Variants in PIAS1 observed in about 807,000 individuals in gnomAD.
The protein encoded by PIAS1 is protein inhibitor of activated STAT 1.
A neutral mutation model predicts 71.3 loss-of-function variants in PIAS1; 6 were observed. The ratio of observed to expected loss-of-function variants is 0.08; its 90% confidence interval spans 0.05 to 0.17. PIAS1 has a LOEUF of 0.17. Among genes scored for constraint, PIAS1 ranks in the 10% least tolerant of loss-of-function variants. PIAS1 has a pLI of 1.00. For missense variants in PIAS1, 555 were observed against 793.6 expected (o/e 0.70, Z 3.61); for synonymous variants, 303 against 292.9 (o/e 1.03, Z -0.35).
In PIAS1 at chr15:68,054,899, G is replaced by C. The variant is rs1423431574; in HGVS notation, c.24+549G>C. 6.6e-6 allele frequency: 1 copy of C among 152,342 alleles called. No homozygotes were observed. The highest frequency in any genetic ancestry group is 1.9e-4 in the East Asian group (1 of 5,192). The allele number at this position is 152,342 out of a possible 1,614,324, so 9.4% of individuals were successfully genotyped here. Reference sequence around the variant, plus strand: ...CTCGGCTTTCCCCGGCTGCTCGCTTGTCAGGAAGCGCCTGGGGTGCCCCGC... The same window carrying C: ...CTCGGCTTTCCCCGGCTGCTCGCTTCTCAGGAAGCGCCTGGGGTGCCCCGC... On this transcript the variant is annotated intron_variant, in intron 1 of 13. Transcript: ENST00000249636. This position sits in a 1 kb window ranked among gnomAD's most constrained non-coding sequence, Gnocchi z 4.6.
At chr15:68,158,236 C>T (rs376647558) in intron 7 of PIAS1, among the ~76,000 whole-genome samples, 2 of 151,964 alleles carry the variant, frequency 1.3e-5, no homozygotes, top group Non-Finnish European at 2.9e-5. Flanking sequence ...CTTTCCATGA[C>T]GTGGCACCTG....
intron 1 of PIAS1, among the ~76,000 whole-genome samples, chr15:68,068,421 T>C (rs2140961874): frequency 6.6e-6 from 1 of 152,132 alleles, no homozygotes; most frequent in East Asian, 1.9e-4. Flanking sequence ...AAGAAGGGAC[T>C]TAAGTTAATT....
chr15:68,081,601 A>G (rs894079359), intron 1 of PIAS1, among the ~76,000 whole-genome samples: 1 of 152,172 alleles, frequency 6.6e-6, no homozygotes, highest in Admixed American at 6.5e-5. Context: ...GAAAAGAGAA[A>G]TGCAGAAAAT....
chr15:68,137,169 G>A (rs568962109), intron 2 of PIAS1, among the ~76,000 whole-genome samples: 106 of 152,216 alleles, frequency 7.0e-4, no homozygotes, highest in African/African-American at 2.5e-3. Flanking sequence ...TCTCACACCT[G>A]GGAATTGATC....
At chr15:68,114,188 C>G (rs1567047647) in intron 2 of PIAS1, among the ~76,000 whole-genome samples, 1 of 151,852 alleles carries the variant, frequency 6.6e-6, no homozygotes, top group Admixed American at 6.6e-5. Flanking sequence ...TTTTTGCTGC[C>G]TTTTTCAATC....
At chr15:68,092,713 C>G (rs1367981063) in intron 2 of PIAS1, among the ~76,000 whole-genome samples, 1 of 151,960 alleles carries the variant, frequency 6.6e-6, no homozygotes, top group South Asian at 2.1e-4. Flanking sequence ...GCTTGTTTGC[C>G]CCCTTTCATT....
At position 68,060,441 on chromosome 15, in the gene PIAS1, TA is replaced by T. The variant is rs371478573; in HGVS notation, c.24+6092del. Among the ~76,000 whole-genome samples, 930 of 151,846 alleles carry T rather than the reference TA, an allele frequency of 6.1e-3. 6 individuals are homozygous for T. Among genetic ancestry groups the T allele is most frequent in the East Asian group, 0.032 (165 of 5,136 alleles). ...CAGCCTGACCAACATGGTGAAACCC[TA>T]TCTCTACTAAAAATACAAAAATTAG... On this transcript the variant is annotated intron_variant, in intron 1 of 13. Transcript: ENST00000249636.
At chr15:68,120,632 A>G (rs1404790109) in intron 2 of PIAS1, among the ~76,000 whole-genome samples, 2 of 152,074 alleles carry the variant, frequency 1.3e-5, no homozygotes, top group Non-Finnish European at 2.9e-5. Context: ...TATTCTTGTC[A>G]TACATTTTAC....
intron 1 of PIAS1, among the ~76,000 whole-genome samples, chr15:68,061,600 T>C (rs912001690): frequency 4.6e-5 from 7 of 152,228 alleles, no homozygotes; most frequent in Middle Eastern, 3.2e-3. Context: ...GTAACTCTCA[T>C]AGGACTGTTG....
chr15:68,130,135 C>A (rs572650528), intron 2 of PIAS1, among the ~76,000 whole-genome samples: 1 of 151,540 alleles, frequency 6.6e-6, no homozygotes, highest in South Asian at 2.1e-4. Context: ...TCATATACCC[C>A]ATAAATATAT....
At chr15:68,157,765 C>T (rs186076770) in intron 7 of PIAS1, among the ~76,000 whole-genome samples, 1 of 152,060 alleles carries the variant, frequency 6.6e-6, no homozygotes, top group Non-Finnish European at 1.5e-5. Flanking sequence ...TAACACCCAC[C>T]CCAAAATACA....
chr15:68,155,133 G>A (rs533861533), intron 7 of PIAS1, among the ~76,000 whole-genome samples: 3 of 152,202 alleles, frequency 2.0e-5, no homozygotes, highest in South Asian at 2.1e-4. Flanking sequence ...ACTCTTCTCC[G>A]CTTGTAGCTA....
chr15:68,161,921 T>G (rs2092926950), intron 7 of PIAS1, among the ~76,000 whole-genome samples: 1 of 151,164 alleles, frequency 6.6e-6, no homozygotes, highest in Admixed American at 6.6e-5. Context: ...AGAGTGAGAC[T>G]CTGTCTCAAA....
At chr15:68,179,561 G>GTTCTTTTTTTT (rs1465767081) in intron 11 of PIAS1, among the ~76,000 whole-genome samples, 1 of 30,190 alleles carries the variant, frequency 3.3e-5, no homozygotes, top group Non-Finnish European at 9.8e-5. Flanking sequence ...CTCGTGAAAT[G>GTTCTTTTTTTT]TTCTTTTTTT....
intron 2 of PIAS1, among the ~76,000 whole-genome samples, chr15:68,090,927 G>GGTGGGTGTGTGTGTGT (rs1555425135): frequency 1.4e-5 from 2 of 142,856 alleles, no homozygotes; most frequent in African/African-American, 5.2e-5. Flanking sequence ...GTCATTTACG[G>GGTGGGTGTGTGTGTGT]GTGTGTGTGT....
chr15:68,068,014 C>T (rs914596473), intron 1 of PIAS1, among the ~76,000 whole-genome samples: 1 of 152,122 alleles, frequency 6.6e-6, no homozygotes, highest in Non-Finnish European at 1.5e-5. Flanking sequence ...TCCAAATTTA[C>T]TGTAGCATTC....
At chr15:68,183,354 C>G (rs544232588) in intron 12 of PIAS1, among the ~76,000 whole-genome samples, 2 of 152,196 alleles carry the variant, frequency 1.3e-5, no homozygotes, top group African/African-American at 4.8e-5. Context: ...AGTACTATGC[C>G]CGTTTAAGGA....
intron 6 of PIAS1, among the ~76,000 whole-genome samples, chr15:68,152,244 C>T (rs921208678): frequency 3.9e-5 from 6 of 151,996 alleles, no homozygotes; most frequent in Admixed American, 1.3e-4. Context: ...CCCCTGCTCC[C>T]GGCTGGGAAA....
At chr15:68,156,709 TAAAAAAA>T (rs35479013) in intron 7 of PIAS1, among the ~76,000 whole-genome samples, 2 of 119,076 alleles carry the variant, frequency 1.7e-5, no homozygotes, top group African/African-American at 3.4e-5. Flanking sequence ...ACACTGTCTT[TAAAAAAA>T]AAAAAAAAAA....
Sources: gnomAD v4.1 joint callset for allele counts (sites outside exome capture counted in the v4.1 genomes callset) on GRCh38, gnomAD v4.1.1 for gene constraint, Gnocchi (gnomAD v3.1) non-coding constraint, MANE v1.5 for transcripts, NCBI Gene and HGNC (gene_info 2026-07-23, HGNC 2026-07-21) for gene names.